The following USP9X variants were observed in gnomAD, a reference collection of about 807,000 sequenced individuals.
USP9X encodes the protein ubiquitin specific peptidase 9 X-linked, also known as ubiquitin carboxyl-terminal hydrolase 9X.
Under a neutral mutation model 190.3 loss-of-function variants are expected in USP9X, and 7 were observed. The ratio of observed to expected loss-of-function variants is 0.04; its 90% CI spans 0.02 to 0.07. The LOEUF (loss-of-function observed/expected upper bound fraction) is 0.07, where lower values mean the gene tolerates loss of function less well. Ranked by LOEUF, USP9X falls within the 10% of genes least tolerant of loss-of-function variation. The pLI is 1.00. For missense variants in USP9X, 1,010 were observed against 1,916.9 expected, an observed-to-expected ratio of 0.53 and a Z score of 8.83; for synonymous variants, 645 against 659.5, an observed-to-expected ratio of 0.98 and a Z score of 0.34.
At chrX:41,170,678 A>G in intron 20 of USP9X, 59 bp downstream of exon 20, 5 of 1,089,974 alleles carry the variant, frequency 4.6e-6, no homozygotes, top group Non-Finnish European at 4.9e-6. Flanking sequence ...GTTTTTGAGA[A>G]TAAAGTATAT....
chrX:41,103,925 C>T (rs1041778596), intron 1 of USP9X, among the ~76,000 whole-genome samples: 1 of 111,909 alleles, frequency 8.9e-6, no homozygotes, highest in Non-Finnish European at 1.9e-5. Context: ...TTTCACTCAA[C>T]AGATAATTAG....
intron 32 of USP9X, among the ~76,000 whole-genome samples, chrX:41,208,601 T>A (rs768085832): frequency 7.6e-4 from 85 of 112,496 alleles, no homozygotes; most frequent in Non-Finnish European, 1.5e-3. Context: ...TTATGTTATA[T>A]TCTTTATGCG....
At chrX:41,136,733 A>G (rs2062376691) in intron 5 of USP9X, 71 bp from the exon 6 acceptor site, 2 of 745,503 alleles carry the variant, frequency 2.7e-6, no homozygotes, top group Middle Eastern at 6.6e-4. Context: ...TACGATTAAT[A>G]TTGGAAGATA....
In USP9X at chrX:41,136,010, A is replaced by G. The variant is rs376636822; in HGVS notation, c.436-794A>G. 3.6e-4 allele frequency among the ~76,000 whole-genome samples: 40 copies of G among 112,126 alleles called. No homozygotes were observed. The South Asian group carries it at 0.014, about 39-fold the overall frequency. ...TTTGTGGCCTATAACCTATTTCCCA[A>G]ATATGACCATAGCATAAAAATTCCA... On this transcript the variant is annotated intron_variant, in intron 5 of 44. Transcript: ENST00000378308.
At position 41,197,352 on chromosome X, in the gene USP9X, C is replaced by CCCCCGAG; in HGVS notation, c.4234-12_4234-11insCCCCGAG. 1 of 988,230 alleles carries CCCCCGAG rather than the reference C, an allele frequency of 1.0e-6. No individual in the cohort carries two copies. The allele number at this position is 988,230 out of a possible 1,213,427, so 81.4% of individuals were successfully genotyped here. The stretch of plus-strand genomic sequence containing the variant: ...TTCTTCCCCCCCCCACCCCACCCCC[C>CCCCCGAG]GCCTTTGGCAGGATGATGTTAAAAG... On this transcript the variant is annotated splice_polypyrimidine_tract_variant and intron_variant, in intron 28 of 44. Coordinates refer to ENST00000378308, the MANE Select transcript of USP9X (RefSeq NM_001039591.3).
At chrX:41,144,291 C>T (rs1048324066) in intron 10 of USP9X, among the ~76,000 whole-genome samples, 1 of 103,862 alleles carries the variant, frequency 9.6e-6, no homozygotes, top group African/African-American at 3.6e-5. Context: ...TCGATACCGG[C>T]TCACTGCAAC....
In USP9X at chrX:41,197,349, C is replaced by T. The variant is rs752933052; in HGVS notation, c.4234-15C>T. 4 of 900,204 alleles carry T rather than the reference C, an allele frequency of 4.4e-6. No individual in the cohort carries two copies. Among genetic ancestry groups the T allele is most frequent in the African/African-American group, 4.4e-5 (2 of 45,859 alleles). The allele number at this position is 900,204 out of a possible 1,213,427, so 74.2% of individuals were successfully genotyped here. A position where few individuals can be genotyped will look rare whatever the true frequency, so the allele number is the denominator to read the frequency against. ...GATTTCTTCCCCCCCCCACCCCACCCCCCGCCTTTGGCAGGATGATGTTAA... is the reference window on the plus strand; with the variant it reads ...GATTTCTTCCCCCCCCCACCCCACCTCCCGCCTTTGGCAGGATGATGTTAA... On this transcript the variant is annotated splice_polypyrimidine_tract_variant and intron_variant, in intron 28 of 44. Coordinates refer to ENST00000378308, the MANE Select transcript of USP9X (RefSeq NM_001039591.3).
chrX:41,229,561 TTG>T lies in USP9X; in HGVS notation c.7219-5_7219-4del. ...CTTATCTATATGGTTTTATTTTCTT[TTG>T]CAGGGCAATGGAGATCTTAAAAGAA... On this transcript the variant is annotated splice_region_variant and splice_polypyrimidine_tract_variant and intron_variant, in intron 42 of 44. Transcript: ENST00000378308. The T allele has an allele frequency of 8.3e-7, 1 of 1,208,928 alleles. No homozygotes were observed. Among genetic ancestry groups the T allele is most frequent in the Non-Finnish European group, 1.1e-6 (1 of 894,562 alleles).
chrX:41,232,024 A>G (rs1009688716), intron 44 of USP9X, among the ~76,000 whole-genome samples: 4 of 111,634 alleles, frequency 3.6e-5, no homozygotes, highest in African/African-American at 1.3e-4. Flanking sequence ...GGAAGAGTCA[A>G]TAGATGCTCA....
At chrX:41,165,469 GC>G (rs1384929568) in intron 15 of USP9X, among the ~76,000 whole-genome samples, 1 of 111,920 alleles carries the variant, frequency 8.9e-6, no homozygotes, top group African/African-American at 3.3e-5. Context: ...CAGGTGATCC[GC>G]CCACCTCAGC....
At position 41,185,058 on chromosome X, in the gene USP9X, T is replaced by C. The variant is rs766760311; in HGVS notation, c.3558+383T>C. Among the ~76,000 whole-genome samples the C allele has an allele frequency of 2.9e-4, 33 of 112,421 alleles. No homozygotes were observed. In the East Asian group the frequency reaches 9.2e-3, roughly 31 times the overall value. On this transcript the variant is annotated intron_variant, in intron 23 of 44. Transcript: ENST00000378308. The stretch of plus-strand genomic sequence containing the variant: ...GGCTTAAACCCAAGTTCTGAGCTTA[T>C]TCTGACTCGGTTTCTGCCTTGGTGG...
chrX:41,219,333 C>A, intron 38 of USP9X, 102 bp downstream of exon 38: 1 of 869,990 alleles, frequency 1.1e-6, no homozygotes. Context: ...GAAGTAGAAA[C>A]AATTTCCCAT....
At chrX:41,170,282 A>G in intron 19 of USP9X, 47 bp downstream of exon 19, 1 of 1,157,438 alleles carries the variant, frequency 8.6e-7, no homozygotes, top group Non-Finnish European at 1.2e-6. Context: ...CAAACCAGAG[A>G]CTATCGTTTA....
intron 41 of USP9X, among the ~76,000 whole-genome samples, chrX:41,228,331 A>T (rs1328310779): frequency 8.9e-6 from 1 of 111,948 alleles, no homozygotes; most frequent in East Asian, 2.8e-4. Flanking sequence ...TGCCCCTACA[A>T]TCATGTTTTA....
intron 9 of USP9X, among the ~76,000 whole-genome samples, chrX:41,142,729 T>TTACAGAAAAACAGACTGTGGAAGCA: frequency 8.9e-6 from 1 of 111,902 alleles, no homozygotes; most frequent in Non-Finnish European, 1.9e-5. Context: ...TAGCACAGTG[T>TTACAGAAAAACAGACTGTGGAAGCA]TACAGAAAAA....
chrX:41,085,650 C>A lies in USP9X; in HGVS notation c.-618C>A, dbSNP rs2061903309. The stretch of plus-strand genomic sequence containing the variant: ...CTCACGGGAGGCGGCCGCCTTAGCG[C>A]CCGGTGCTTGGGTCGGCGCCGGGAG... On this transcript the variant is annotated 5_prime_UTR_variant, in exon 1 of 45. Coordinates refer to ENST00000378308, the MANE Select transcript of USP9X (RefSeq NM_001039591.3). 1 of 292,523 alleles carries A rather than the reference C, an allele frequency of 3.4e-6. No homozygotes were observed. The highest frequency in any genetic ancestry group is 6.2e-5 in the Admixed American group (1 of 16,216). 24.1% of individuals were successfully genotyped at this position (292,523 alleles called of 1,213,427 possible).
At position 41,170,122 on chromosome X, in the gene USP9X, C is replaced by G. The variant is rs754284452; in HGVS notation, c.2764C>G (p.Arg922Gly). 1 of 1,209,887 alleles carries G rather than the reference C, an allele frequency of 8.3e-7. No homozygotes were observed. The highest frequency in any genetic ancestry group is 1.1e-6 in the Non-Finnish European group (1 of 895,250). The change falls in exon 19 of 45, where the codon CGT becomes GGT. Residue 922 changes from arginine to glycine, a missense_variant. Physicochemically the swap from Arg to Gly is moderately radical, Grantham distance 125 (BLOSUM62 -2). Transcript: ENST00000378308. ...TTCAGTACGACGATGTATTCTCAAT[C>G]GTATTAAAGCCAACGTAGCCCATAC... ...IGSVRRCILN[R>G]IKANVAHTKI... is the part of the protein sequence containing the mutation.
intron 39 of USP9X, 87 bp from the exon 40 acceptor site, chrX:41,224,655 T>C: frequency 1.2e-6 from 1 of 858,155 alleles, no homozygotes; most frequent in Non-Finnish European, 1.6e-6. Flanking sequence ...AAAAAAAAAT[T>C]ATAGGCTATT....
chrX:41,197,351 C>CCCCCCCGGGG lies in USP9X; in HGVS notation c.4234-12_4234-11insCCCCCGGGGC. 4.3e-6 allele frequency: 4 copies of CCCCCCCGGGG among 939,363 alleles called. No individual in the cohort carries two copies. Among genetic ancestry groups the CCCCCCCGGGG allele is most frequent in the Admixed American group, 3.7e-5 (1 of 26,839 alleles). 77.4% of individuals were successfully genotyped at this position (939,363 alleles called of 1,213,427 possible). ...TTTCTTCCCCCCCCCACCCCACCCC[C>CCCCCCCGGGG]CGCCTTTGGCAGGATGATGTTAAAA... On this transcript the variant is annotated splice_polypyrimidine_tract_variant and intron_variant, in intron 28 of 44. Transcript: ENST00000378308.
Sources: gnomAD v4.1 joint callset for allele counts (sites outside exome capture counted in the v4.1 genomes callset) on GRCh38, gnomAD v4.1.1 for gene constraint, MANE v1.5 for transcripts, NCBI Gene and HGNC (gene_info 2026-07-23, HGNC 2026-07-21) for gene names.